DIPK1B: variants seen among roughly 807,000 people sequenced by gnomAD.
The protein encoded by DIPK1B is family with sequence similarity 69 member B.
DIPK1B carries 17 observed loss-of-function variants against 20.7 expected under a neutral mutation model. The ratio of observed to expected loss-of-function variants is 0.82; its 90% CI spans 0.56 to 1.23. DIPK1B has a LOEUF of 1.23. DIPK1B is among the 50% of genes most tolerant of loss of function. The probability of loss-of-function intolerance (pLI) is 0.00; values close to 1 mark genes in which losing one functional copy is unlikely to be tolerated. For missense variants in DIPK1B, 648 were observed against 601.8 expected, an observed-to-expected ratio of 1.08 and a Z score of -0.80; for synonymous variants, 343 against 276.5, an observed-to-expected ratio of 1.24 and a Z score of -2.39.
chr9:136,723,840 C>T lies in DIPK1B; in HGVS notation c.*66C>T, dbSNP rs1326711539. On this transcript the variant is annotated 3_prime_UTR_variant, in exon 5 of 5. Coordinates refer to ENST00000371692, the MANE Select transcript of DIPK1B (RefSeq NM_152421.4). ...CAGGTGCCAGGGTCCAACCCTCCCT[C>T]AAGGAATCCTGTCAGAAGATGTGAA... The T allele has an allele frequency of 7.0e-7, 1 of 1,435,420 alleles. No individual in the cohort carries two copies. Among genetic ancestry groups the T allele is most frequent in the African/African-American group, 1.4e-5 (1 of 70,412 alleles). 88.9% of individuals were successfully genotyped at this position (1,435,420 alleles called of 1,614,324 possible). A position where few individuals can be genotyped will look rare whatever the true frequency, so the allele number is the denominator to read the frequency against.
intron 4 of DIPK1B, 82 bp downstream of exon 4, chr9:136,722,383 C>G: frequency 4.1e-6 from 6 of 1,474,330 alleles, no homozygotes; most frequent in Non-Finnish European, 5.5e-6. Flanking sequence ...ACCAACATGC[C>G]CAGCGCAAAG....
At chr9:136,719,656 G>A (rs1846560033) in intron 2 of DIPK1B, among the ~76,000 whole-genome samples, 1 of 152,180 alleles carries the variant, frequency 6.6e-6, no homozygotes. Context: ...CTCAGCCTCT[G>A]AGGAAGCCTC....
rs755605586 is a variant in DIPK1B, at chr9:136,717,666, G to A, written c.153G>A (p.Ser51=). 3.6e-5 allele frequency: 58 copies of A among 1,609,744 alleles called. No homozygotes were observed. The highest frequency in any genetic ancestry group is 4.2e-5 in the Non-Finnish European group (50 of 1,179,966). The change falls in exon 2 of 5, where the codon TCG becomes TCA. Residue 51 remains serine, a synonymous_variant. Transcript: ENST00000371692. The part of the protein sequence containing the change: ...AGSWLVYVHY[S]SYSERCRGHV... Reference sequence around the variant, plus strand: ...GCTGGCTGGTGTACGTGCACTACTCGTCCTACTCGGAGCGCTGTCGCGGCC... The same window carrying A: ...GCTGGCTGGTGTACGTGCACTACTCATCCTACTCGGAGCGCTGTCGCGGCC...
At chr9:136,722,717 G>C in intron 4 of DIPK1B, 2 of 594,596 alleles carry the variant, frequency 3.4e-6, no homozygotes, top group South Asian at 4.3e-5. Context: ...GAGCTCCCCA[G>C]GTGCACCCAA....
intron 2 of DIPK1B, among the ~76,000 whole-genome samples, chr9:136,718,232 TCACTGGTCC>T (rs1846532928): frequency 5.8e-5 from 2 of 34,242 alleles, no homozygotes; most frequent in Admixed American, 2.7e-4. Flanking sequence ...TGTGCTGGCC[TCACTGGTCC>T]GGGATAGAGA....
chr9:136,712,720 C>T lies in DIPK1B; in HGVS notation c.55C>T (p.Arg19Cys). The T allele has an allele frequency of 1.5e-6, 2 of 1,360,436 alleles. No homozygotes were observed. Among genetic ancestry groups the T allele is most frequent in the East Asian group, 6.2e-5 (2 of 32,418 alleles). 84.3% of individuals were successfully genotyped at this position (1,360,436 alleles called of 1,614,324 possible). A position where few individuals can be genotyped will look rare whatever the true frequency, so the allele number is the denominator to read the frequency against. Residue 19 changes from arginine (R) to cysteine (C), a missense_variant, in exon 1 of 5, where the codon CGC (arginine) becomes TGC (cysteine). Arg to Cys is a radical substitution (Grantham distance 180, BLOSUM62 -3). Coordinates refer to ENST00000371692, the MANE Select transcript of DIPK1B (RefSeq NM_152421.4). The surrounding 1 kb of genome is among the most constrained non-coding windows in gnomAD (Gnocchi z 5.6). ...GGTGCTCTTCTGCCCCTTCTCCAAG[C>T]GCCTGCAGGTAAGCGCGGTGCGCGC... Reference protein sequence around the residue: ...HLVLFCPFSKRLQGRLPGLRV... With the variant: ...HLVLFCPFSKCLQGRLPGLRV...
intron 2 of DIPK1B, among the ~76,000 whole-genome samples, chr9:136,719,616 G>C (rs1346847917): frequency 6.6e-6 from 1 of 152,238 alleles, no homozygotes; most frequent in Non-Finnish European, 1.5e-5. Flanking sequence ...TGTGCGGCAA[G>C]GGCCCTGAGG....
rs1231619159 is a variant in DIPK1B, at chr9:136,723,925, G to A, written c.*151G>A. The A allele has an allele frequency of 5.0e-6, 4 of 799,322 alleles. No individual in the cohort carries two copies. In the African/African-American group the frequency reaches 6.9e-5, roughly 14 times the overall value. 49.5% of individuals were successfully genotyped at this position (799,322 alleles called of 1,614,324 possible). Reference sequence around the variant, plus strand: ...CAGGGCTCTGGATTCCAGCACCACAGACATGAGACCCCAGCTCGGAGCAAA... The same window carrying A: ...CAGGGCTCTGGATTCCAGCACCACAAACATGAGACCCCAGCTCGGAGCAAA... On this transcript the variant is annotated 3_prime_UTR_variant, in exon 5 of 5. Coordinates refer to ENST00000371692, the MANE Select transcript of DIPK1B (RefSeq NM_152421.4).
rs1846644621 is a variant in DIPK1B, at chr9:136,723,249, G to A, written c.771G>A (p.Gln257=). 1.2e-6 allele frequency: 2 copies of A among 1,612,464 alleles called. No homozygotes were observed. The highest frequency in any genetic ancestry group is 2.2e-5 in the East Asian group (1 of 44,874). ...GCCCACTGCTGCCGCCTGCCCTGCA[G>A]GGTGCTCTCCAGCAGTGGCTGGGGC... is the stretch of plus-strand genomic sequence containing the variant. ...LLRPLLPPAL[Q]GALQQWLGPA... The change falls in exon 5 of 5, where the codon CAG becomes CAA. Residue 257 remains glutamine (Q), a synonymous_variant. Coordinates refer to ENST00000371692, the MANE Select transcript of DIPK1B (RefSeq NM_152421.4).
Position 136,712,743 on chromosome 9 carries a change from C to A in DIPK1B, c.63+15C>A, listed in dbSNP as rs1049096705. On this transcript the variant is annotated intron_variant, in intron 1 of 4. Coordinates refer to ENST00000371692, the MANE Select transcript of DIPK1B (RefSeq NM_152421.4). The surrounding 1 kb of genome is among the most constrained non-coding windows in gnomAD (Gnocchi z 5.6). ...AGCGCCTGCAGGTAAGCGCGGTGCG[C>A]GCCCGCCGCCCCCGGCCGCCTCTGC... 4 of 1,333,096 alleles carry A rather than the reference C, an allele frequency of 3.0e-6. No homozygotes were observed. Among genetic ancestry groups the A allele is most frequent in the East Asian group, 6.2e-5 (2 of 32,362 alleles). 82.6% of individuals were successfully genotyped at this position (1,333,096 alleles called of 1,614,324 possible).
Position 136,722,308 on chromosome 9 carries a change from C to A in DIPK1B, c.483+7C>A, listed in dbSNP as rs1487691389. The A allele has an allele frequency of 3.1e-6, 5 of 1,609,656 alleles. No individual in the cohort carries two copies. The highest frequency in any genetic ancestry group is 4.2e-6 in the Non-Finnish European group (5 of 1,178,076). On this transcript the variant is annotated splice_region_variant and intron_variant, in intron 4 of 4. Coordinates refer to ENST00000371692, the MANE Select transcript of DIPK1B (RefSeq NM_152421.4). ...GACCCTCAGCTTCCTCAAGGTCAGG[C>A]AGCTCTCCTAGGGGGCAGGGCAGGA...
rs773526311 is a variant in DIPK1B at position 136,721,939 on chromosome 9, G to A, written c.217G>A (p.Gly73Arg). Residue 73 changes from glycine to arginine, a missense_variant, in exon 3 of 5, where the codon GGG becomes AGG. Transcript: ENST00000371692. ...TCCTCAGTGTGACCAGTACCGCAAG[G>A]GGATCATCTCGGGCTCCGTCTGCCA... ...QVVICDQYRK[G>R]IISGSVCQDL... The A allele has an allele frequency of 8.7e-6, 14 of 1,613,564 alleles. No homozygotes were observed. Among genetic ancestry groups the A allele is most frequent in the Non-Finnish European group, 1.2e-5 (14 of 1,179,962 alleles).
Position 136,712,614 on chromosome 9 carries a change from GGCTGAGGCCGAGCGAGCCGCGGGGCCC to G in DIPK1B, c.-49_-23del. 1.1e-6 allele frequency: 1 copy of G among 924,160 alleles called. No homozygotes were observed. The highest frequency in any genetic ancestry group is 1.3e-6 in the Non-Finnish European group (1 of 767,448). 57.2% of individuals were successfully genotyped at this position (924,160 alleles called of 1,614,324 possible). A position where few individuals can be genotyped will look rare whatever the true frequency, so the allele number is the denominator to read the frequency against. On this transcript the variant is annotated 5_prime_UTR_variant, in exon 1 of 5. It removes the in-frame stop codon of an upstream open reading frame in the 5' UTR. Coordinates refer to ENST00000371692, the MANE Select transcript of DIPK1B (RefSeq NM_152421.4). This position sits in a 1 kb window ranked among gnomAD's most constrained non-coding sequence, Gnocchi z 5.6. ...GCCGCTGCGGGCCGGGCCGGGCCGG[GGCTGAGGCCGAGCGAGCCGCGGGGCCC>G]GCGCAGCCCCGGCCGGAGCCCACCA...
intron 2 of DIPK1B, 94 bp from the exon 3 acceptor site, chr9:136,721,827 T>C: frequency 9.1e-7 from 1 of 1,099,446 alleles, no homozygotes; most frequent in Non-Finnish European, 1.3e-6. Flanking sequence ...CTGCAGCAAG[T>C]GGAGGCCCCT....
In DIPK1B at chr9:136,723,048, C is replaced by T; in HGVS notation, c.570C>T (p.Ser190=). The T allele has an allele frequency of 8.1e-6, 13 of 1,613,504 alleles. No homozygotes were observed. Among genetic ancestry groups the T allele is most frequent in the African/African-American group, 1.3e-5 (1 of 75,066 alleles). The change falls in exon 5 of 5, where the codon TCC becomes TCT. Residue 190 remains serine, a synonymous_variant. Coordinates refer to ENST00000371692, the MANE Select transcript of DIPK1B (RefSeq NM_152421.4). ...ACTTCAACAAGGACAACCGGGTGTC[C>T]CTGGCGGAAGCCAAGTCCGTGTGGG... ...MADFNKDNRV[S]LAEAKSVWAL...
At position 136,722,957 on chromosome 9, in the gene DIPK1B, G is replaced by C. The variant is rs549086212; in HGVS notation, c.484-5G>C. The C allele has an allele frequency of 6.3e-7, 1 of 1,598,542 alleles. No individual in the cohort carries two copies. The highest frequency in any genetic ancestry group is 1.3e-5 in the African/African-American group (1 of 74,686). ...CTTTTCCTTTCTTTTGGTCCCAAAC[G>C]CCAGGCGAACCTGGGAGACCTGCCT... On this transcript the variant is annotated splice_polypyrimidine_tract_variant and splice_region_variant and intron_variant, in intron 4 of 4. Coordinates refer to ENST00000371692, the MANE Select transcript of DIPK1B (RefSeq NM_152421.4).
chr9:136,717,904 G>A (rs1461486093), intron 2 of DIPK1B, among the ~76,000 whole-genome samples, 193 bp downstream of exon 2: 9 of 151,140 alleles, frequency 6.0e-5, no homozygotes, highest in Admixed American at 1.3e-4. Flanking sequence ...CGGGGGAGAC[G>A]TGCGGGGCTG....
rs767928263 is a variant in DIPK1B at position 136,723,087 on chromosome 9, T to C, written c.609T>C (p.Arg203=). ...AGTCCGTGTGGGCCCTGCTGCAGCG[T>C]AACGAGTTCCTGCTGCTGCTGTCCC... is the stretch of plus-strand genomic sequence containing the variant. ...EAKSVWALLQ[R]NEFLLLLSLQ... The change falls in exon 5 of 5, where the codon CGT becomes CGC. Residue 203 remains arginine, a synonymous_variant. Transcript: ENST00000371692. 2 of 1,613,594 alleles carry C rather than the reference T, an allele frequency of 1.2e-6. No homozygotes were observed. Among genetic ancestry groups the C allele is most frequent in the Admixed American group, 1.7e-5 (1 of 60,030 alleles).
At position 136,723,897 on chromosome 9, in the gene DIPK1B, C is replaced by T. The variant is rs542372309; in HGVS notation, c.*123C>T. 5.3e-5 allele frequency: 54 copies of T among 1,012,118 alleles called. No individual in the cohort carries two copies. The Middle Eastern group carries it at 1.3e-3, about 24-fold the overall frequency. 62.7% of individuals were successfully genotyped at this position (1,012,118 alleles called of 1,614,324 possible). A position where few individuals can be genotyped will look rare whatever the true frequency, so the allele number is the denominator to read the frequency against. On this transcript the variant is annotated 3_prime_UTR_variant, in exon 5 of 5. Transcript: ENST00000371692. ...CTGTGTTGCAAAATCACTCCCCTAC[C>T]GTCAGGGCTCTGGATTCCAGCACCA...
Sources: allele counts gnomAD v4.1 joint callset (sites outside exome capture counted in the v4.1 genomes callset), GRCh38; gene constraint gnomAD v4.1.1; non-coding constraint Gnocchi (gnomAD v3.1); transcripts MANE v1.5; gene names NCBI Gene and HGNC (gene_info 2026-07-23, HGNC 2026-07-21).